GTF2I: variants seen among roughly 807,000 people sequenced by gnomAD.
The protein encoded by GTF2I is general transcription factor II-I.
Under a neutral mutation model 67.6 loss-of-function variants are expected in GTF2I, and 12 were observed. The ratio of observed to expected loss-of-function variants is 0.18; its 90% CI spans 0.11 to 0.29. The LOEUF is 0.29. GTF2I is among the 10% of genes least tolerant of loss of function. GTF2I has a pLI of 1.00. For missense variants in GTF2I, 271 were observed against 580.1 expected, an observed-to-expected ratio of 0.47 and a Z score of 5.47; for synonymous variants, 149 against 197.0, an observed-to-expected ratio of 0.76 and a Z score of 2.04.
chr7:74,722,105 G>A (rs782613410), intron 12 of GTF2I, among the ~76,000 whole-genome samples: 1 of 152,248 alleles, frequency 6.6e-6, no homozygotes, highest in African/African-American at 2.4e-5. Flanking sequence ...ATTTTTCACA[G>A]TGTTTTCACC....
At chr7:74,693,265 A>ATTTTTT (rs1158949751) in intron 3 of GTF2I, among the ~76,000 whole-genome samples, 4 of 83,020 alleles carry the variant, frequency 4.8e-5, no homozygotes, top group Admixed American at 1.2e-4. Flanking sequence ...CTGTAGTGGA[A>ATTTTTT]TTTTTTTTTT....
At chr7:74,681,943 T>C (rs1787314491) in intron 1 of GTF2I, among the ~76,000 whole-genome samples, 1 of 151,588 alleles carries the variant, frequency 6.6e-6, no homozygotes, top group South Asian at 2.1e-4. Context: ...GAGGATGTGA[T>C]AGTTCTCTGC....
chr7:74,724,207 G>C (rs1235610960), intron 12 of GTF2I, among the ~76,000 whole-genome samples: 2 of 152,202 alleles, frequency 1.3e-5, no homozygotes, highest in African/African-American at 4.8e-5. Flanking sequence ...GGAGCTATAA[G>C]TGGTATCCAT....
intron 1 of GTF2I, among the ~76,000 whole-genome samples, chr7:74,677,929 C>T (rs1370372017): frequency 6.6e-6 from 1 of 152,058 alleles, no homozygotes; most frequent in African/African-American, 2.4e-5. Context: ...GAAATACTGG[C>T]CAAGGCAGAA....
rs1161320476 is a variant in GTF2I, at chr7:74,662,511, C to CTTTTTTTTTTTTTTTT, written c.-6+4457_-6+4472dup. Among the ~76,000 whole-genome samples the CTTTTTTTTTTTTTTTT allele has an allele frequency of 2.2e-4, 11 of 50,220 alleles. 5 individuals are homozygous for CTTTTTTTTTTTTTTTT. Among genetic ancestry groups the CTTTTTTTTTTTTTTTT allele is most frequent in the Non-Finnish European group, 3.4e-4 (10 of 29,594 alleles). The allele number at this position is 50,220 out of a possible 152,430, so 32.9% of individuals were successfully genotyped here. Reference sequence around the variant, plus strand: ...AGGCGTGAGCCACTGCACCTGGACCCTTTTTTTTTTTTTTTTTTTTTTTTT... The same window carrying CTTTTTTTTTTTTTTTT: ...AGGCGTGAGCCACTGCACCTGGACCCTTTTTTTTTTTTTTTTTTTTTTTTTTTTTTTTTTTTTTTTT... On this transcript the variant is annotated intron_variant, in intron 1 of 34. Transcript: ENST00000573035.
chr7:74,703,863 A>C (rs1255105042), intron 6 of GTF2I, among the ~76,000 whole-genome samples: 1 of 152,156 alleles, frequency 6.6e-6, no homozygotes, highest in East Asian at 1.9e-4. Context: ...ATCTTTTTGC[A>C]CGTGGATATC....
At chr7:74,709,310 G>A (rs1490581614) in intron 8 of GTF2I, among the ~76,000 whole-genome samples, 2 of 152,080 alleles carry the variant, frequency 1.3e-5, no homozygotes, top group African/African-American at 4.8e-5. Flanking sequence ...GTGCAGTCGT[G>A]CGATCTCGGC....
At chr7:74,687,464 C>A in intron 1 of GTF2I, 1 of 486,004 alleles carries the variant, frequency 2.1e-6, no homozygotes, top group Non-Finnish European at 2.7e-6. Flanking sequence ...CTCAAGAGAT[C>A]CACCCGCCTC....
chr7:74,684,892 T>C (rs781890086), intron 1 of GTF2I: 5 of 152,310 alleles, frequency 3.3e-5, no homozygotes, highest in Non-Finnish European at 5.9e-5. Context: ...CCGAGATTTA[T>C]TGAAAGTGGA....
At position 74,718,143 on chromosome 7, in the gene GTF2I, A is replaced by C. The variant is rs187405696; in HGVS notation, c.881-736A>C. Among the ~76,000 whole-genome samples, 1,290 of 152,298 alleles carry C rather than the reference A, an allele frequency of 8.5e-3. 11 individuals carry two copies. The highest frequency in any genetic ancestry group is 0.013 in the Non-Finnish European group (913 of 68,026). On this transcript the variant is annotated intron_variant, in intron 11 of 34. Transcript: ENST00000573035. ...GCACCTTGAAGACTGCGTTTTTAGG[A>C]CATTTTTACTGTCATATTCCAGTGT...
intron 1 of GTF2I, among the ~76,000 whole-genome samples, chr7:74,681,077 A>G (rs1380220343): frequency 6.6e-6 from 1 of 152,218 alleles, no homozygotes; most frequent in African/African-American, 2.4e-5. Context: ...GGAGAATTAA[A>G]ATCAAATCAG....
intron 1 of GTF2I, among the ~76,000 whole-genome samples, chr7:74,685,171 CAG>C (rs1434467132): frequency 6.6e-6 from 1 of 152,194 alleles, no homozygotes; most frequent in Non-Finnish European, 1.5e-5. Context: ...AGCAACCAAT[CAG>C]AGACTAAAGT....
chr7:74,714,717 G>GT (rs1300001597), intron 9 of GTF2I, 140 bp from the exon 10 acceptor site: 7 of 538,392 alleles, frequency 1.3e-5, no homozygotes, highest in African/African-American at 9.9e-5. Flanking sequence ...CATCTTGTCA[G>GT]TCTTTTTTTT....
chr7:74,687,610 A>T (rs1244282765), intron 1 of GTF2I: 20 of 901,102 alleles, frequency 2.2e-5, no homozygotes, highest in Non-Finnish European at 2.7e-5. Flanking sequence ...CAGTTAATTC[A>T]CATGGTAACA....
intron 1 of GTF2I, among the ~76,000 whole-genome samples, chr7:74,682,294 C>G (rs1554394332): frequency 6.6e-6 from 1 of 152,114 alleles, no homozygotes; most frequent in Non-Finnish European, 1.5e-5. Flanking sequence ...CTGAAAACAA[C>G]CAACACTGTT....
At chr7:74,707,957 A>C (rs1341221233) in intron 8 of GTF2I, among the ~76,000 whole-genome samples, 1 of 152,054 alleles carries the variant, frequency 6.6e-6, no homozygotes, top group East Asian at 1.9e-4. Flanking sequence ...GCCAGGGTGC[A>C]GCCAGGAGAC....
chr7:74,693,265 A>ATTG (rs1788525373), intron 3 of GTF2I, among the ~76,000 whole-genome samples: 3 of 83,004 alleles, frequency 3.6e-5, no homozygotes, highest in Non-Finnish European at 7.1e-5. Context: ...CTGTAGTGGA[A>ATTG]TTTTTTTTTT....
chr7:74,699,357 A>G (rs1376031533), intron 4 of GTF2I: 1 of 180,724 alleles, frequency 5.5e-6, no homozygotes, highest in East Asian at 1.3e-4. Flanking sequence ...CAGTGGCACG[A>G]TCTCAGCTCA....
intron 6 of GTF2I, among the ~76,000 whole-genome samples, chr7:74,704,284 A>T (rs980817131): frequency 6.7e-6 from 1 of 149,182 alleles, no homozygotes; most frequent in African/African-American, 2.5e-5. Context: ...TTATTTATTT[A>T]TTTATTTATT....
Sources: allele counts gnomAD v4.1 joint callset (sites outside exome capture counted in the v4.1 genomes callset), GRCh38; gene constraint gnomAD v4.1.1; transcripts MANE v1.5; gene names NCBI Gene and HGNC (gene_info 2026-07-23, HGNC 2026-07-21).